The following WWOX variants were observed in gnomAD, a reference collection of about 807,000 sequenced individuals.
WWOX encodes the protein WW domain containing oxidoreductase.
A neutral mutation model predicts 46.2 loss-of-function variants in WWOX; 69 were observed. The ratio of observed to expected loss-of-function variants is 1.49; its 90% CI spans 1.23 to 1.82. The LOEUF is 1.82. Among genes scored for constraint, WWOX ranks in the 40% most tolerant of loss-of-function variants. WWOX has a pLI of 0.00. For missense variants in WWOX, 919 were observed against 542.6 expected (o/e 1.69, Z -6.89); for synonymous variants, 359 against 202.6 (o/e 1.77, Z -6.56).
intron 5 of WWOX, among the ~76,000 whole-genome samples, chr16:78,298,280 C>G (rs186987024): frequency 2.0e-5 from 3 of 152,138 alleles, no homozygotes; most frequent in African/African-American, 7.2e-5. Flanking sequence ...GGCCATCTTT[C>G]TTAGGCAGGA....
chr16:78,507,784 C>G (rs1597184399), intron 8 of WWOX, among the ~76,000 whole-genome samples: 1 of 152,244 alleles, frequency 6.6e-6, no homozygotes, highest in East Asian at 1.9e-4. Flanking sequence ...CCATTCTCAG[C>G]ATCCTGCCTT....
chr16:78,971,123 T>G (rs942811800), intron 8 of WWOX, among the ~76,000 whole-genome samples: 7 of 152,042 alleles, frequency 4.6e-5, no homozygotes, highest in Admixed American at 3.3e-4. Flanking sequence ...TAGTCCAGTG[T>G]GAGCCATATG....
intron 8 of WWOX, among the ~76,000 whole-genome samples, chr16:78,540,175 TAGAAAA>T (rs2043857766): frequency 6.6e-6 from 1 of 151,350 alleles, no homozygotes; most frequent in Non-Finnish European, 1.5e-5. Flanking sequence ...TAGGTATAGT[TAGAAAA>T]AGCAAAATGG....
At chr16:78,155,236 G>A (rs2034558631) in intron 4 of WWOX, among the ~76,000 whole-genome samples, 1 of 151,500 alleles carries the variant, frequency 6.6e-6, no homozygotes, top group Non-Finnish European at 1.5e-5. Context: ...GAAGGAGGAA[G>A]GGAGGGAGGA....
intron 8 of WWOX, among the ~76,000 whole-genome samples, chr16:78,669,217 C>T (rs971037085): frequency 4.6e-5 from 7 of 152,320 alleles, no homozygotes; most frequent in Admixed American, 2.0e-4. Context: ...AGAGGAGAAG[C>T]CCCAAAGAAG....
intron 8 of WWOX, among the ~76,000 whole-genome samples, chr16:78,931,029 TGTGA>T (rs1418267668): frequency 1.3e-5 from 2 of 152,228 alleles, no homozygotes; most frequent in African/African-American, 4.8e-5. Context: ...CTACACCTGA[TGTGA>T]GTATCACATG....
At chr16:78,555,381 A>G (rs1274036801) in intron 8 of WWOX, among the ~76,000 whole-genome samples, 1 of 152,136 alleles carries the variant, frequency 6.6e-6, no homozygotes, top group Non-Finnish European at 1.5e-5. Flanking sequence ...TTATTGTTGA[A>G]TACTTGGAAG....
chr16:78,432,756 A>G lies in WWOX; in HGVS notation c.1056+4A>G. The G allele has an allele frequency of 1.9e-6, 3 of 1,614,142 alleles. No individual in the cohort carries two copies. Among genetic ancestry groups the G allele is most frequent in the Non-Finnish European group, 2.5e-6 (3 of 1,180,022 alleles). On this transcript the variant is annotated splice_donor_region_variant and intron_variant, in intron 8 of 8. Coordinates refer to ENST00000566780, the MANE Select transcript of WWOX (RefSeq NM_016373.4). Reference sequence around the variant, plus strand: ...GAGGCCTTTCACCAAGTCCATGGTAAGAGAACAGCTTCTGGCGCCGCAAAC... The same window carrying G: ...GAGGCCTTTCACCAAGTCCATGGTAGGAGAACAGCTTCTGGCGCCGCAAAC...
intron 8 of WWOX, among the ~76,000 whole-genome samples, chr16:79,196,650 T>A (rs1369075220): frequency 1.3e-5 from 2 of 152,026 alleles, no homozygotes; most frequent in African/African-American, 4.8e-5. Flanking sequence ...TCCCCCACCC[T>A]CCAGTTCTCA....
At chr16:78,483,937 C>T (rs759095748) in intron 8 of WWOX, among the ~76,000 whole-genome samples, 24 of 152,252 alleles carry the variant, frequency 1.6e-4, no homozygotes, top group African/African-American at 3.4e-4. Context: ...TGACAGAACA[C>T]GTGGCCCCTA....
chr16:78,720,385 A>G (rs1241383442), intron 8 of WWOX, among the ~76,000 whole-genome samples: 1 of 146,454 alleles, frequency 6.8e-6, no homozygotes, highest in Admixed American at 6.7e-5. Flanking sequence ...TTGCTTGCCA[A>G]TGGTCAGATC....
chr16:78,666,049 C>G (rs1597415443), intron 8 of WWOX, among the ~76,000 whole-genome samples: 3 of 151,850 alleles, frequency 2.0e-5, no homozygotes, highest in Non-Finnish European at 2.9e-5. Flanking sequence ...CTCTGGGAGG[C>G]TAAGGCTGGA....
intron 8 of WWOX, among the ~76,000 whole-genome samples, chr16:78,706,245 T>C (rs945490560): frequency 1.3e-5 from 2 of 152,110 alleles, no homozygotes; most frequent in East Asian, 1.9e-4. Context: ...ACTTTTTCCT[T>C]ATTTGACCCA....
At chr16:78,328,375 C>T (rs1256351934) in intron 5 of WWOX, among the ~76,000 whole-genome samples, 5 of 152,002 alleles carry the variant, frequency 3.3e-5, no homozygotes, top group African/African-American at 4.8e-5. Flanking sequence ...TGATGTAAGT[C>T]GTAAAAAATT....
intron 8 of WWOX, among the ~76,000 whole-genome samples, chr16:78,801,758 T>C (rs1284480699): frequency 6.6e-6 from 1 of 152,192 alleles, no homozygotes; most frequent in Non-Finnish European, 1.5e-5. Context: ...GTATATGGAT[T>C]GATGACATTT....
chr16:78,984,748 T>C (rs17637309), intron 8 of WWOX, among the ~76,000 whole-genome samples: 9,680 of 152,318 alleles, frequency 0.064, 367 homozygotes, highest in Middle Eastern at 0.14. Flanking sequence ...GGTCAGACTT[T>C]CTTCGTCCTC....
intron 6 of WWOX, among the ~76,000 whole-genome samples, chr16:78,412,581 G>T (rs997086323): frequency 1.3e-5 from 2 of 152,170 alleles, no homozygotes; most frequent in Admixed American, 6.5e-5. Flanking sequence ...AGTGGTAGTG[G>T]CATTGGGAGG....
At chr16:79,076,945 T>C (rs191873844) in intron 8 of WWOX, among the ~76,000 whole-genome samples, 3 of 152,340 alleles carry the variant, frequency 2.0e-5, no homozygotes, top group Non-Finnish European at 4.4e-5. Flanking sequence ...GTGGTATTAT[T>C]ATTCTTATTT....
intron 8 of WWOX, among the ~76,000 whole-genome samples, chr16:78,449,238 A>T (rs540594331): frequency 6.6e-6 from 1 of 152,226 alleles, no homozygotes; most frequent in African/African-American, 2.4e-5. Context: ...GAAGCATGTA[A>T]GCCAAGAAGG....
Sources: allele counts gnomAD v4.1 joint callset (sites outside exome capture counted in the v4.1 genomes callset), GRCh38; gene constraint gnomAD v4.1.1; transcripts MANE v1.5; gene names NCBI Gene and HGNC (gene_info 2026-07-23, HGNC 2026-07-21).